TOM1L2: variants seen among roughly 807,000 people sequenced by gnomAD.
The protein encoded by TOM1L2 is TOM1-like protein 2.
Under a neutral mutation model 67.9 loss-of-function variants are expected in TOM1L2, and 31 were observed. The ratio of observed to expected loss-of-function variants is 0.46; its 90% CI spans 0.34 to 0.62. The LOEUF (loss-of-function observed/expected upper bound fraction) is 0.62, where lower values mean the gene tolerates loss of function less well. Ranked by LOEUF, TOM1L2 falls within the 20% of genes least tolerant of loss-of-function variation. The pLI is 0.01. For missense variants in TOM1L2, 606 were observed against 663.5 expected (o/e 0.91, Z 0.95); for synonymous variants, 256 against 254.0 (o/e 1.01, Z -0.07).
intron 1 of TOM1L2, among the ~76,000 whole-genome samples, chr17:17,912,776 G>A (rs993989472): frequency 1.1e-4 from 16 of 152,204 alleles, no homozygotes; most frequent in African/African-American, 3.9e-4. Context: ...TCACTTCCCA[G>A]ACGGGGTGGC....
rs2036038021 is a variant in TOM1L2 at position 17,852,664 on chromosome 17, G to A, written c.1279-1712C>T. 2.6e-5 allele frequency among the ~76,000 whole-genome samples: 4 copies of A among 152,104 alleles called. No individual in the cohort carries two copies. In the South Asian group the frequency reaches 8.3e-4, roughly 32 times the overall value. On this transcript the variant is annotated intron_variant, in intron 12 of 14. Transcript: ENST00000379504. ...GCAGATCACCTGAGGTCAAGAGTTTGAGACCAGCCTGACCAACAGGGAGAA... is the reference window on the plus strand; with the variant it reads ...GCAGATCACCTGAGGTCAAGAGTTTAAGACCAGCCTGACCAACAGGGAGAA...
chr17:17,856,342 G>A (rs919463686), intron 12 of TOM1L2, among the ~76,000 whole-genome samples: 4 of 152,278 alleles, frequency 2.6e-5, no homozygotes, highest in African/African-American at 9.6e-5. Context: ...GTCTAGTGGA[G>A]GAACTGCCTT....
At chr17:17,885,379 G>C (rs1465580232) in intron 4 of TOM1L2, among the ~76,000 whole-genome samples, 1 of 152,250 alleles carries the variant, frequency 6.6e-6, no homozygotes, top group Non-Finnish European at 1.5e-5. Flanking sequence ...GTGGTTCAAG[G>C]GAAGAAGAGC....
At chr17:17,866,446 G>A (rs1271777482) in intron 9 of TOM1L2, 27 bp from the exon 10 acceptor site, 6 of 1,563,640 alleles carry the variant, frequency 3.8e-6, no homozygotes, top group Non-Finnish European at 5.2e-6. Context: ...TTGGCCATAA[G>A]CCCCAGAACC....
chr17:17,921,011 C>A (rs2039842184), intron 1 of TOM1L2, among the ~76,000 whole-genome samples: 2 of 152,144 alleles, frequency 1.3e-5, no homozygotes, highest in Non-Finnish European at 2.9e-5. Context: ...TAACTGAACT[C>A]CAGATGTTAT....
chr17:17,943,489 T>C (rs1009143250), intron 1 of TOM1L2, among the ~76,000 whole-genome samples: 2 of 152,102 alleles, frequency 1.3e-5, no homozygotes, highest in African/African-American at 4.8e-5. Flanking sequence ...AGAATGTGGA[T>C]GATCCAAAAG....
chr17:17,963,834 G>A (rs374588384), intron 1 of TOM1L2, among the ~76,000 whole-genome samples: 30 of 152,218 alleles, frequency 2.0e-4, no homozygotes, highest in African/African-American at 6.8e-4. Flanking sequence ...CAGTAACAGT[G>A]GAGGGAAGGA....
At chr17:17,860,115 C>T (rs1228018454) in intron 12 of TOM1L2, 1 of 152,322 alleles carries the variant, frequency 6.6e-6, no homozygotes, top group African/African-American at 2.4e-5. Context: ...TGAGGTCAGC[C>T]TCATAGGGGC....
At chr17:17,957,286 C>T (rs2041499325) in intron 1 of TOM1L2, among the ~76,000 whole-genome samples, 1 of 152,238 alleles carries the variant, frequency 6.6e-6, no homozygotes, top group South Asian at 2.1e-4. Flanking sequence ...CTTATACAGC[C>T]TTTCAAAATG....
At chr17:17,895,158 C>T (rs1375378655) in intron 3 of TOM1L2, among the ~76,000 whole-genome samples, 1 of 152,088 alleles carries the variant, frequency 6.6e-6, no homozygotes, top group Admixed American at 6.5e-5. Context: ...TTCGGAGGTG[C>T]CAACTGGGAG....
At chr17:17,912,925 T>C (rs1427851085) in intron 1 of TOM1L2, among the ~76,000 whole-genome samples, 2 of 152,236 alleles carry the variant, frequency 1.3e-5, no homozygotes, top group Admixed American at 6.5e-5. Flanking sequence ...AGACTCCGTC[T>C]GCAATCCCGG....
chr17:17,891,578 G>A (rs1258045085), intron 4 of TOM1L2, among the ~76,000 whole-genome samples: 1 of 152,192 alleles, frequency 6.6e-6, no homozygotes, highest in African/African-American at 2.4e-5. Flanking sequence ...CTTGCCATGC[G>A]GTAGGCTAGC....
chr17:17,885,571 A>G (rs1271169780), intron 4 of TOM1L2, among the ~76,000 whole-genome samples: 1 of 152,242 alleles, frequency 6.6e-6, no homozygotes, highest in Admixed American at 6.5e-5. Context: ...CACAGAGAGG[A>G]AAGAGCAAAA....
rs368309703 is a variant in TOM1L2 at position 17,884,684 on chromosome 17, A to T, written c.451T>A (p.Phe151Ile). ...YEELKRKGVE[F>I]PMADLDALSP... ...AGAGCGTCCAAGTCTGCCATGGGAA[A>T]TTCAACCCCTTTCCTCTTCAGCTCC... Residue 151 changes from phenylalanine to isoleucine, a missense_variant, in exon 5 of 15, where the codon TTT becomes ATT. Coordinates refer to ENST00000379504, the MANE Select transcript of TOM1L2 (RefSeq NM_001082968.2). The T allele has an allele frequency of 1.2e-6, 2 of 1,614,070 alleles. No homozygotes were observed. Among genetic ancestry groups the T allele is most frequent in the Non-Finnish European group, 1.7e-6 (2 of 1,180,034 alleles).
chr17:17,955,887 G>A (rs555683064), intron 1 of TOM1L2, among the ~76,000 whole-genome samples: 47 of 152,206 alleles, frequency 3.1e-4, no homozygotes, highest in African/African-American at 9.9e-4. Context: ...GCAGACCTTC[G>A]CGGTGAGTGT....
chr17:17,945,286 A>ACTCT (rs1223568797), intron 1 of TOM1L2, among the ~76,000 whole-genome samples: 64 of 148,844 alleles, frequency 4.3e-4, no homozygotes, highest in East Asian at 2.2e-3. Context: ...ACACACACAC[A>ACTCT]CACACTCTCT....
chr17:17,921,752 G>C (rs577912547), intron 1 of TOM1L2, among the ~76,000 whole-genome samples: 1 of 151,156 alleles, frequency 6.6e-6, no homozygotes, highest in African/African-American at 2.4e-5. Flanking sequence ...AAGTGGGGGC[G>C]GGGTGGGGGG....
At chr17:17,872,046 C>A in intron 7 of TOM1L2, 3 of 985,446 alleles carry the variant, frequency 3.0e-6, no homozygotes, top group Non-Finnish European at 3.6e-6. Flanking sequence ...TTGGGGCCTG[C>A]CAGACGTGGT....
intron 1 of TOM1L2, among the ~76,000 whole-genome samples, chr17:17,957,870 C>T (rs1012044537): frequency 1.3e-5 from 2 of 151,736 alleles, no homozygotes; most frequent in Non-Finnish European, 2.9e-5. Flanking sequence ...GTGGGCGGAT[C>T]ATGAGGTCCG....
Sources: allele counts gnomAD v4.1 joint callset (sites outside exome capture counted in the v4.1 genomes callset), GRCh38; gene constraint gnomAD v4.1.1; transcripts MANE v1.5; gene names NCBI Gene and HGNC (gene_info 2026-07-23, HGNC 2026-07-21).